The following P3H2 variants were observed in gnomAD, a reference collection of about 807,000 sequenced individuals.
P3H2 encodes the protein leprecan-like 1.
In P3H2, 80 loss-of-function variants were observed where a neutral mutation model predicts 87.0. The observed-to-expected ratio is 0.92, with a 90% confidence interval of 0.77 to 1.11. The LOEUF (loss-of-function observed/expected upper bound fraction) is 1.11. Ranked by LOEUF, P3H2 falls within the 50% of genes least tolerant of loss-of-function variation. The probability of loss-of-function intolerance (pLI) is 0.00; values close to 1 mark genes in which losing one functional copy is unlikely to be tolerated. For synonymous variants in P3H2, 367 were observed against 359.3 expected, an observed-to-expected ratio of 1.02 and a Z score of -0.24; for missense variants, 1,001 against 923.9, an observed-to-expected ratio of 1.08 and a Z score of -1.08.
chr3:190,069,255 A>T (rs1726618955), intron 1 of P3H2, among the ~76,000 whole-genome samples: 1 of 152,222 alleles, frequency 6.6e-6, no homozygotes, highest in African/African-American at 2.4e-5. Flanking sequence ...CTCTACTGGG[A>T]CATTGCTAAG....
intron 8 of P3H2, among the ~76,000 whole-genome samples, chr3:189,977,179 G>A (rs1245393905): frequency 1.3e-5 from 2 of 152,162 alleles, no homozygotes; most frequent in Non-Finnish European, 1.5e-5. Context: ...CCACAAGTGC[G>A]AGTGGAACCT....
Position 190,004,520 on chromosome 3 carries a change from C to T in P3H2, c.481-9078G>A, listed in dbSNP as rs948061461. ...GCCTCAGCCTCCCGAGTAGCTGGGA[C>T]TACAGGCGCCCGCCTCCACGCCCGG... is the stretch of plus-strand genomic sequence containing the variant. On this transcript the variant is annotated intron_variant, in intron 1 of 14. Transcript: ENST00000319332. Among the ~76,000 whole-genome samples the T allele has an allele frequency of 5.2e-4, 79 of 151,962 alleles. 1 individual carries two copies. The highest frequency in any genetic ancestry group is 1.8e-3 in the African/African-American group (75 of 41,510).
intron 1 of P3H2, among the ~76,000 whole-genome samples, chr3:190,003,339 C>T (rs1290080135): frequency 6.6e-6 from 1 of 152,136 alleles, no homozygotes; most frequent in Non-Finnish European, 1.5e-5. Context: ...CTCTTAGGAG[C>T]TCCGTGAAAC....
Position 190,061,792 on chromosome 3 carries a change from G to A in P3H2, c.480+58460C>T, listed in dbSNP as rs561142565. On this transcript the variant is annotated intron_variant, in intron 1 of 14. Transcript: ENST00000319332. ...GAAAGAGGTCATGATGAAATGGAAA[G>A]AACAGATGCTAGGATCCACACAAGC... Among the ~76,000 whole-genome samples the A allele has an allele frequency of 2.6e-5, 4 of 152,168 alleles. No individual in the cohort carries two copies. In the South Asian group the frequency reaches 8.3e-4, roughly 32 times the overall value.
At chr3:190,051,304 T>A (rs1051812440) in intron 1 of P3H2, among the ~76,000 whole-genome samples, 2 of 152,146 alleles carry the variant, frequency 1.3e-5, no homozygotes, top group African/African-American at 4.8e-5. Flanking sequence ...AAATAACATT[T>A]GTTTTTTCTC....
At chr3:190,062,579 T>G (rs557335947) in intron 1 of P3H2, among the ~76,000 whole-genome samples, 15 of 152,264 alleles carry the variant, frequency 9.9e-5, no homozygotes, top group African/African-American at 3.6e-4. Flanking sequence ...CAGTGAATAT[T>G]TACTGATTAA....
intron 1 of P3H2, among the ~76,000 whole-genome samples, chr3:190,012,716 C>T (rs1381603501): frequency 6.6e-6 from 1 of 152,200 alleles, no homozygotes; most frequent in Non-Finnish European, 1.5e-5. Flanking sequence ...ATCCCATCCA[C>T]TTCTGGACTT....
chr3:190,055,367 A>G (rs1726117477), intron 1 of P3H2, among the ~76,000 whole-genome samples: 1 of 152,218 alleles, frequency 6.6e-6, no homozygotes. Flanking sequence ...CTTCAGTTTG[A>G]AAGACTGAAA....
chr3:189,973,980 A>G lies in P3H2; in HGVS notation c.1477T>C (p.Tyr493His), dbSNP rs759626556. Reference protein sequence around the residue: ...ASGIMLVGDGYRGKTSPHTPN... With the variant: ...ASGIMLVGDGHRGKTSPHTPN... ...GTATGGGGTGAAGTTTTTCCTCTGTATCCATCACCAACAAGCATGATTCCC... is the reference window on the plus strand; with the variant it reads ...GTATGGGGTGAAGTTTTTCCTCTGTGTCCATCACCAACAAGCATGATTCCC... Residue 493 changes from tyrosine (Y) to histidine (H), a missense_variant, in exon 10 of 15, where the codon TAC becomes CAC. Transcript: ENST00000319332. 4 of 1,614,014 alleles carry G rather than the reference A, an allele frequency of 2.5e-6. No homozygotes were observed. Among genetic ancestry groups the G allele is most frequent in the Non-Finnish European group, 2.5e-6 (3 of 1,179,888 alleles).
At chr3:189,968,281 G>A (rs1216990211) in intron 13 of P3H2, among the ~76,000 whole-genome samples, 1 of 152,034 alleles carries the variant, frequency 6.6e-6, no homozygotes, top group Non-Finnish European at 1.5e-5. Context: ...GGTGTGTGAT[G>A]TTACCCTCCG....
At chr3:190,110,167 C>T (rs1560405450) in intron 1 of P3H2, among the ~76,000 whole-genome samples, 1 of 152,102 alleles carries the variant, frequency 6.6e-6, no homozygotes, top group Non-Finnish European at 1.5e-5. Flanking sequence ...TTAAATATGG[C>T]TAAATGTTTA....
At chr3:190,012,998 A>T (rs1257600649) in intron 1 of P3H2, among the ~76,000 whole-genome samples, 1 of 152,144 alleles carries the variant, frequency 6.6e-6, no homozygotes, top group African/African-American at 2.4e-5. Flanking sequence ...TCTTCTTGGC[A>T]CACCTTGGGC....
intron 1 of P3H2, among the ~76,000 whole-genome samples, chr3:190,115,935 A>G (rs1453650525): frequency 2.0e-5 from 3 of 152,242 alleles, no homozygotes; most frequent in African/African-American, 7.2e-5. Context: ...AAAGCCCCTG[A>G]TGATTAATAA....
At chr3:189,971,230 A>C (rs1723169283) in intron 12 of P3H2, among the ~76,000 whole-genome samples, 1 of 152,182 alleles carries the variant, frequency 6.6e-6, no homozygotes, top group African/African-American at 2.4e-5. Flanking sequence ...TTTCCCTTAT[A>C]TAACTCTAAA....
intron 1 of P3H2, among the ~76,000 whole-genome samples, chr3:190,056,266 T>C (rs1392451602): frequency 6.6e-6 from 1 of 152,184 alleles, no homozygotes; most frequent in Non-Finnish European, 1.5e-5. Flanking sequence ...GTTCAAGTCA[T>C]CCAGACTGTG....
chr3:190,119,136 A>G (rs1265484084), intron 1 of P3H2, among the ~76,000 whole-genome samples: 43 of 25,948 alleles, frequency 1.7e-3, no homozygotes, highest in Admixed American at 2.7e-3. Context: ...AGAGGAGAGG[A>G]GAGGGGAGGG....
In P3H2 at chr3:190,042,226, G is replaced by A. The variant is rs150056494; in HGVS notation, c.481-46784C>T. Among the ~76,000 whole-genome samples the A allele has an allele frequency of 4.3e-3, 658 of 152,262 alleles. 7 individuals are homozygous for A. The highest frequency in any genetic ancestry group is 0.015 in the African/African-American group (610 of 41,558). On this transcript the variant is annotated intron_variant, in intron 1 of 14. Coordinates refer to ENST00000319332, the MANE Select transcript of P3H2 (RefSeq NM_018192.4). ...GAAGTTGAGATTCTGAACTCTATTAGGGACTGAGGGTTATTGCCATATTTG... is the reference window on the plus strand; with the variant it reads ...GAAGTTGAGATTCTGAACTCTATTAAGGACTGAGGGTTATTGCCATATTTG...
chr3:189,959,255 T>C (rs1373417422), intron 14 of P3H2, among the ~76,000 whole-genome samples: 1 of 151,512 alleles, frequency 6.6e-6, no homozygotes, highest in Non-Finnish European at 1.5e-5. Context: ...TATTTATTTA[T>C]TTATTTTTTA....
At chr3:190,103,793 T>C (rs1711725983) in intron 1 of P3H2, among the ~76,000 whole-genome samples, 1 of 152,142 alleles carries the variant, frequency 6.6e-6, no homozygotes, top group South Asian at 2.1e-4. Context: ...GAAAAGTTTT[T>C]CAGTAGCTTT....
Sources: gnomAD v4.1 joint callset for allele counts (sites outside exome capture counted in the v4.1 genomes callset) on GRCh38, gnomAD v4.1.1 for gene constraint, MANE v1.5 for transcripts, NCBI Gene and HGNC (gene_info 2026-07-23, HGNC 2026-07-21) for gene names.